The following PMS1 variants were observed in gnomAD, a reference collection of about 807,000 sequenced individuals.
PMS1 encodes the protein PMS1 homolog 1, mismatch repair system component.
In PMS1, 79 loss-of-function variants were observed where a neutral mutation model predicts 93.1. The observed-to-expected ratio is 0.85, with a 90% CI of 0.71 to 1.02. The LOEUF (loss-of-function observed/expected upper bound fraction) is 1.02, where lower values mean the gene tolerates loss of function less well. Among genes scored for constraint, PMS1 ranks in the 50% least tolerant of loss-of-function variants. The probability of loss-of-function intolerance (pLI) is 0.00; values close to 1 mark genes in which losing one functional copy is unlikely to be tolerated. For synonymous variants in PMS1, 335 were observed against 363.4 expected (o/e 0.92, Z 0.89); for missense variants, 1,064 against 1,085.3 (o/e 0.98, Z 0.28).
chr2:189,854,805 T>C lies in PMS1; in HGVS notation c.1533T>C (p.Asn511=), dbSNP rs1050776732. ...TACTTAAAAATTCAGTGGGAGAGAA[T>C]ATTGAACCTGTGAAAATTTTAGTGC... ...GNILKNSVGE[N]IEPVKILVPE... Residue 511 remains asparagine, a synonymous_variant, in exon 9 of 13, where the codon AAT becomes AAC. Coordinates refer to ENST00000441310, the MANE Select transcript of PMS1 (RefSeq NM_000534.5). 2.5e-6 allele frequency: 4 copies of C among 1,612,934 alleles called. No individual in the cohort carries two copies. Among genetic ancestry groups the C allele is most frequent in the Non-Finnish European group, 3.4e-6 (4 of 1,179,210 alleles).
At chr2:189,812,067 G>A (rs949149335) in intron 4 of PMS1, among the ~76,000 whole-genome samples, 5 of 152,128 alleles carry the variant, frequency 3.3e-5, no homozygotes, top group African/African-American at 7.2e-5. Context: ...TTGGGAGACC[G>A]AGGCAGGTGG....
intron 11 of PMS1, among the ~76,000 whole-genome samples, chr2:189,872,491 G>A (rs771961916): frequency 2.2e-4 from 34 of 151,986 alleles, no homozygotes; most frequent in Non-Finnish European, 4.0e-4. Flanking sequence ...CTGTTACACC[G>A]ATACAGCCAA....
rs1213728884 is a variant in PMS1, at chr2:189,839,705, T to C, written c.583-4259T>C. ...TAATAGTAGTTTTTATAATGTATTA[T>C]AATTATTTTAAGATTTTGCTTTCTT... On this transcript the variant is annotated intron_variant, in intron 5 of 12. Coordinates refer to ENST00000441310, the MANE Select transcript of PMS1 (RefSeq NM_000534.5). 2.6e-5 allele frequency among the ~76,000 whole-genome samples: 4 copies of C among 152,328 alleles called. No individual in the cohort carries two copies. The East Asian group carries it at 7.7e-4, about 29-fold the overall frequency.
chr2:189,819,126 A>G (rs1042670056), intron 5 of PMS1, among the ~76,000 whole-genome samples: 2 of 152,212 alleles, frequency 1.3e-5, no homozygotes, highest in African/African-American at 4.8e-5. Context: ...GCTTCCACTT[A>G]TAAGTGAAAA....
rs538802722 is a variant in PMS1, at chr2:189,842,401, A to G, written c.583-1563A>G. On this transcript the variant is annotated intron_variant, in intron 5 of 12. Transcript: ENST00000441310. ...TCCAGACTTAGGAATTGCTAAGTGAATTTGTTGAATTCTACCTGTACTGAT... is the reference window on the plus strand; with the variant it reads ...TCCAGACTTAGGAATTGCTAAGTGAGTTTGTTGAATTCTACCTGTACTGAT... 1.2e-4 allele frequency among the ~76,000 whole-genome samples: 18 copies of G among 152,188 alleles called. 1 individual carries two copies. In the South Asian group the frequency reaches 2.5e-3, roughly 21 times the overall value.
chr2:189,788,949 G>C (rs551614349), intron 1 of PMS1, among the ~76,000 whole-genome samples: 3 of 152,266 alleles, frequency 2.0e-5, no homozygotes, highest in African/African-American at 7.2e-5. Context: ...GCACTAATTT[G>C]TGTGAATGTT....
chr2:189,838,162 T>C (rs563859269), intron 5 of PMS1, among the ~76,000 whole-genome samples: 28 of 152,316 alleles, frequency 1.8e-4, no homozygotes, highest in African/African-American at 6.7e-4. Context: ...ATATGAATTA[T>C]ACCTTAAACT....
intron 9 of PMS1, among the ~76,000 whole-genome samples, chr2:189,862,404 A>T (rs2056114597): frequency 6.6e-6 from 1 of 152,148 alleles, no homozygotes; most frequent in African/African-American, 2.4e-5. Context: ...TAAGACCTTA[A>T]ACATTTATTA....
rs1236908717 is a variant in PMS1, at chr2:189,788,651, G to C, written c.-20-3139G>C. On this transcript the variant is annotated intron_variant, in intron 1 of 12. Transcript: ENST00000441310. Reference sequence around the variant, plus strand: ...GTCACATTAAACAGATTTTTTAAAAGGTTAGTTTTAATAATATATTTTATG... The same window carrying C: ...GTCACATTAAACAGATTTTTTAAAACGTTAGTTTTAATAATATATTTTATG... Among the ~76,000 whole-genome samples, 4 of 151,940 alleles carry C rather than the reference G, an allele frequency of 2.6e-5. No individual in the cohort carries two copies. The East Asian group carries it at 7.7e-4, about 29-fold the overall frequency.
chr2:189,877,474 G>C lies in PMS1; in HGVS notation c.*38G>C, dbSNP rs1485052624. The stretch of plus-strand genomic sequence containing the variant: ...AAGAAGATTAGTTACCATTGAAATT[G>C]GTTCTGTCATAAAACAGCATGAGTC... On this transcript the variant is annotated 3_prime_UTR_variant, in exon 13 of 13. Coordinates refer to ENST00000441310, the MANE Select transcript of PMS1 (RefSeq NM_000534.5). 7.0e-7 allele frequency: 1 copy of C among 1,436,870 alleles called. No homozygotes were observed. The highest frequency in any genetic ancestry group is 9.8e-7 in the Non-Finnish European group (1 of 1,021,312). The allele number at this position is 1,436,870 out of a possible 1,614,324, so 89.0% of individuals were successfully genotyped here. A position where few individuals can be genotyped will look rare whatever the true frequency, so the allele number is the denominator to read the frequency against.
intron 11 of PMS1, among the ~76,000 whole-genome samples, chr2:189,869,893 C>G (rs1264281837): frequency 1.3e-5 from 2 of 151,486 alleles, no homozygotes; most frequent in Non-Finnish European, 2.9e-5. Context: ...ACCTGCCACT[C>G]AATTCCAAGA....
chr2:189,857,464 C>T (rs759710058), intron 9 of PMS1: 1 of 469,464 alleles, frequency 2.1e-6, no homozygotes, highest in Non-Finnish European at 4.4e-6. Flanking sequence ...CTCTTCCTGT[C>T]TTTATCTTGG....
intron 5 of PMS1, among the ~76,000 whole-genome samples, chr2:189,825,762 A>C (rs1053498990): frequency 6.6e-6 from 1 of 152,256 alleles, no homozygotes; most frequent in Non-Finnish European, 1.5e-5. Context: ...CATGAATTAA[A>C]GAATGTTTTC....
intron 12 of PMS1, among the ~76,000 whole-genome samples, chr2:189,875,957 A>G (rs77124879): frequency 1.4e-5 from 2 of 143,604 alleles, no homozygotes; most frequent in Admixed American, 6.9e-5. Context: ...CTCTGTCTCA[A>G]AAAAAAAAAA....
chr2:189,877,134 G>GT (rs2057644391), intron 12 of PMS1, 138 bp from the exon 13 acceptor site: 1 of 734,766 alleles, frequency 1.4e-6, no homozygotes, highest in South Asian at 1.8e-5. Context: ...TGACAACATA[G>GT]TTGATACTTA....
At chr2:189,868,623 C>T (rs929061333) in intron 11 of PMS1, among the ~76,000 whole-genome samples, 33 of 152,256 alleles carry the variant, frequency 2.2e-4, no homozygotes, top group African/African-American at 7.7e-4. Flanking sequence ...CACTGTCTCC[C>T]TTCCTGCCTC....
At chr2:189,858,919 T>C (rs2055655234) in intron 9 of PMS1, among the ~76,000 whole-genome samples, 2 of 152,134 alleles carry the variant, frequency 1.3e-5, no homozygotes. Context: ...CTACATGCCA[T>C]GCTGTGATCT....
chr2:189,869,823 A>G (rs898552621), intron 11 of PMS1, among the ~76,000 whole-genome samples: 12 of 152,006 alleles, frequency 7.9e-5, no homozygotes, highest in Non-Finnish European at 1.6e-4. Flanking sequence ...TCTTAAAAAA[A>G]AAAAAAAAAA....
chr2:189,829,844 C>G (rs5743064), intron 5 of PMS1, among the ~76,000 whole-genome samples: 5,055 of 152,206 alleles, frequency 0.033, 283 homozygotes, highest in African/African-American at 0.12. Flanking sequence ...GACTTTTCAC[C>G]ATGTCTGTGA....
Sources: allele counts gnomAD v4.1 joint callset (sites outside exome capture counted in the v4.1 genomes callset), GRCh38; gene constraint gnomAD v4.1.1; transcripts MANE v1.5; gene names NCBI Gene and HGNC (gene_info 2026-07-23, HGNC 2026-07-21).